NAALADL2: variants seen among roughly 807,000 people sequenced by gnomAD.
NAALADL2 encodes the protein inactive N-acetylated-alpha-linked acidic dipeptidase-like protein 2.
In NAALADL2, 76 loss-of-function variants were observed where a neutral mutation model predicts 87.2. The observed-to-expected ratio is 0.87, with a 90% CI of 0.72 to 1.05. The LOEUF (loss-of-function observed/expected upper bound fraction) is 1.05. Ranked by LOEUF, NAALADL2 falls within the 50% of genes least tolerant of loss-of-function variation. The pLI is 0.00. For missense variants in NAALADL2, 1,089 were observed against 945.8 expected (o/e 1.15, Z -1.99); for synonymous variants, 354 against 331.0 (o/e 1.07, Z -0.75).
chr3:175,635,383 A>G (rs949948235), intron 11 of NAALADL2, among the ~76,000 whole-genome samples: 1 of 152,094 alleles, frequency 6.6e-6, no homozygotes, highest in Non-Finnish European at 1.5e-5. Context: ...TTATTAAGAT[A>G]GGAAAAGAAG....
At position 174,763,833 on chromosome 3, in the gene NAALADL2, A is replaced by C. The variant is rs534025096; in HGVS notation, c.-9+26087A>C. Among the ~76,000 whole-genome samples, 165 of 149,370 alleles carry C rather than the reference A, an allele frequency of 1.1e-3. 2 individuals carry two copies. Among genetic ancestry groups the C allele is most frequent in the African/African-American group, 3.4e-3 (139 of 40,624 alleles). ...AAAACTAAAACCAAAACAAAACAAA[A>C]AAAAAAAAACAAACAAAATTTAAAA... On this transcript the variant is annotated intron_variant, in intron 3 of 3. Coordinates refer to the NAALADL2 transcript ENST00000434257.
In NAALADL2 at chr3:174,495,688, C is replaced by CTTTTAGAAAAT. The variant is rs371726731; in HGVS notation, c.-184+54656_-184+54657insTTTTAGAAAAT. Reference sequence around the variant, plus strand: ...GAGAGGTTCACAGGGGATACTGAATCCAGCTGTATGTCTTTTTCTGTTGCA... The same window carrying CTTTTAGAAAAT: ...GAGAGGTTCACAGGGGATACTGAATCTTTTAGAAAATCAGCTGTATGTCTTTTTCTGTTGCA... On this transcript the variant is annotated intron_variant, in intron 1 of 3. Coordinates refer to the NAALADL2 transcript ENST00000434257. Among the ~76,000 whole-genome samples the CTTTTAGAAAAT allele has an allele frequency of 2.3e-3, 347 of 152,112 alleles. 1 individual carries two copies. Among genetic ancestry groups the CTTTTAGAAAAT allele is most frequent in the African/African-American group, 7.8e-3 (324 of 41,510 alleles).
chr3:174,781,501 T>C (rs1490668555), intron 3 of NAALADL2, among the ~76,000 whole-genome samples: 1 of 151,800 alleles, frequency 6.6e-6, no homozygotes, highest in Non-Finnish European at 1.5e-5. Flanking sequence ...TGATATTATG[T>C]AGACACTGAT....
At chr3:174,848,061 G>C (rs1303526252) in intron 3 of NAALADL2, among the ~76,000 whole-genome samples, 1 of 148,590 alleles carries the variant, frequency 6.7e-6, no homozygotes, top group Non-Finnish European at 1.5e-5. Flanking sequence ...TGATATCCAT[G>C]GTTAAAATCT....
At chr3:175,678,482 C>T (rs1735129358) in intron 11 of NAALADL2, among the ~76,000 whole-genome samples, 1 of 152,140 alleles carries the variant, frequency 6.6e-6, no homozygotes, top group Non-Finnish European at 1.5e-5. Context: ...CCCAGATGTC[C>T]ATCAGTGATA....
At chr3:174,981,655 G>T (rs189468167) in intron 1 of NAALADL2, among the ~76,000 whole-genome samples, 1 of 152,050 alleles carries the variant, frequency 6.6e-6, no homozygotes, top group Non-Finnish European at 1.5e-5. Flanking sequence ...GAGAGTCTGC[G>T]TCGCTTCGGA....
At chr3:175,439,811 A>G (rs1719430439) in intron 5 of NAALADL2, among the ~76,000 whole-genome samples, 1 of 149,426 alleles carries the variant, frequency 6.7e-6, no homozygotes. Context: ...TATAGATTGC[A>G]AAGATTTTCT....
intron 11 of NAALADL2, among the ~76,000 whole-genome samples, chr3:175,705,876 A>T (rs993154968): frequency 1.3e-5 from 2 of 152,146 alleles, no homozygotes; most frequent in African/African-American, 4.8e-5. Context: ...AACTCAAAAC[A>T]AGGCCAATCA....
intron 3 of NAALADL2, among the ~76,000 whole-genome samples, chr3:174,833,653 A>G (rs928658156): frequency 6.6e-6 from 1 of 152,144 alleles, no homozygotes; most frequent in African/African-American, 2.4e-5. Context: ...CATACATATC[A>G]TTAACAAAAT....
At chr3:175,096,030 C>G (rs1189428131) in intron 1 of NAALADL2, among the ~76,000 whole-genome samples, 1 of 152,094 alleles carries the variant, frequency 6.6e-6, no homozygotes, top group African/African-American at 2.4e-5. Flanking sequence ...GGTTATGAAA[C>G]CAAACTCTCC....
chr3:174,527,903 G>A (rs983855997), intron 1 of NAALADL2, among the ~76,000 whole-genome samples: 6 of 152,096 alleles, frequency 3.9e-5, no homozygotes, highest in African/African-American at 1.2e-4. Context: ...GAACTAGACC[G>A]GGGCTGGCAA....
At chr3:175,694,741 C>T (rs1389398710) in intron 11 of NAALADL2, among the ~76,000 whole-genome samples, 3 of 152,062 alleles carry the variant, frequency 2.0e-5, no homozygotes, top group Non-Finnish European at 4.4e-5. Context: ...TAGGGATGCT[C>T]ATTTGCTATT....
At chr3:175,181,689 A>ATGTGTGTGTG in intron 2 of NAALADL2, among the ~76,000 whole-genome samples, 1 of 40,376 alleles carries the variant, frequency 2.5e-5, no homozygotes, top group Admixed American at 3.4e-4. Context: ...ATATATATAT[A>ATGTGTGTGTG]TATATATATA....
At chr3:175,039,324 G>A (rs139244659) in intron 1 of NAALADL2, among the ~76,000 whole-genome samples, 2 of 152,146 alleles carry the variant, frequency 1.3e-5, no homozygotes, top group Non-Finnish European at 2.9e-5. Flanking sequence ...GTGCCACGAC[G>A]CCTGGCTAAT....
intron 4 of NAALADL2, among the ~76,000 whole-genome samples, chr3:175,261,800 G>A (rs1284261227): frequency 6.6e-6 from 1 of 152,002 alleles, no homozygotes; most frequent in Non-Finnish European, 1.5e-5. Context: ...ATAGAAACTA[G>A]TATAAGCAAA....
At chr3:175,565,110 C>T (rs565690159) in intron 9 of NAALADL2, among the ~76,000 whole-genome samples, 118 of 152,252 alleles carry the variant, frequency 7.8e-4, no homozygotes, top group Non-Finnish European at 1.5e-3. Context: ...TCCTTGTTCC[C>T]TTAGCTAAAT....
chr3:174,722,464 AG>A (rs1202906128), intron 2 of NAALADL2, among the ~76,000 whole-genome samples: 1 of 152,210 alleles, frequency 6.6e-6, no homozygotes, highest in Non-Finnish European at 1.5e-5. Flanking sequence ...GCAATTTGGG[AG>A]GCCAAGGCAG....
At chr3:175,717,780 TA>T in intron 11 of NAALADL2, among the ~76,000 whole-genome samples, 1 of 148,754 alleles carries the variant, frequency 6.7e-6, no homozygotes, top group East Asian at 2.0e-4. Flanking sequence ...GAGTTTAGTC[TA>T]ACAGTGACCT....
At chr3:174,556,004 T>G (rs939739439) in intron 2 of NAALADL2, among the ~76,000 whole-genome samples, 2 of 139,580 alleles carry the variant, frequency 1.4e-5, no homozygotes, top group Non-Finnish European at 3.2e-5. Flanking sequence ...TGTGTGTGTG[T>G]GTGTGCGCGC....
Sources: gnomAD v4.1 joint callset for allele counts (sites outside exome capture counted in the v4.1 genomes callset) on GRCh38, gnomAD v4.1.1 for gene constraint, MANE v1.5 for transcripts, NCBI Gene and HGNC (gene_info 2026-07-23, HGNC 2026-07-21) for gene names.